Variants in CABLES1 observed in about 807,000 individuals in gnomAD.
CABLES1 encodes Cdk5 and Abl enzyme substrate 1.
Under a neutral mutation model 57.8 loss-of-function variants are expected in CABLES1, and 36 were observed. The ratio of observed to expected loss-of-function variants is 0.62; its 90% CI spans 0.48 to 0.82. The LOEUF (loss-of-function observed/expected upper bound fraction) is 0.82, where lower values mean the gene tolerates loss of function less well. Ranked by LOEUF, CABLES1 falls within the 40% of genes least tolerant of loss-of-function variation. The probability of loss-of-function intolerance (pLI) is 0.00; values close to 1 mark genes in which losing one functional copy is unlikely to be tolerated. For synonymous variants in CABLES1, 374 were observed against 363.0 expected, an observed-to-expected ratio of 1.03 and a Z score of -0.35; for missense variants, 767 against 836.6, an observed-to-expected ratio of 0.92 and a Z score of 1.03.
chr18:23,233,410 G>A (rs770879937), intron 4 of CABLES1, among the ~76,000 whole-genome samples: 2 of 152,178 alleles, frequency 1.3e-5, no homozygotes, highest in African/African-American at 2.4e-5. Context: ...CCAACCTACC[G>A]TCCTGGTGAC....
intron 4 of CABLES1, among the ~76,000 whole-genome samples, chr18:23,227,317 C>T (rs997821337): frequency 6.6e-6 from 1 of 152,172 alleles, no homozygotes; most frequent in Non-Finnish European, 1.5e-5. Flanking sequence ...GTGTTTCTTT[C>T]CTCACACCAA....
chr18:23,137,012 G>T (rs2046827605), intron 1 of CABLES1, among the ~76,000 whole-genome samples: 1 of 152,246 alleles, frequency 6.6e-6, no homozygotes, highest in Non-Finnish European at 1.5e-5. Context: ...AGTGCAGGCC[G>T]GCAGCTGAGC....
rs184635179 is a variant in CABLES1, at chr18:23,245,864, C to A, written c.1447-7096C>A. On this transcript the variant is annotated intron_variant, in intron 7 of 9. Coordinates refer to ENST00000256925, the MANE Select transcript of CABLES1 (RefSeq NM_001100619.3). ...AGCACCCTTGCAAAAAACACAACTG[C>A]CTGCTGCAGGGTTAGAACCCCCCAT... Among the ~76,000 whole-genome samples, 83 of 152,390 alleles carry A rather than the reference C, an allele frequency of 5.4e-4. 1 individual carries two copies. Among genetic ancestry groups the A allele is most frequent in the African/African-American group, 2.0e-3 (82 of 41,602 alleles).
chr18:23,151,395 G>A (rs1028533683), intron 1 of CABLES1, among the ~76,000 whole-genome samples: 2 of 152,210 alleles, frequency 1.3e-5, no homozygotes, highest in African/African-American at 2.4e-5. Flanking sequence ...ACCTCTGGCA[G>A]CCTCTTGCCT....
At position 23,136,257 on chromosome 18, in the gene CABLES1, G is replaced by T. The variant is rs959514660; in HGVS notation, c.495G>T (p.Gly165=). ...ATVSGPGVAR[G]FASPLGAGRA... is the part of the protein sequence containing the mutation. ...TGTCCGGCCCCGGGGTGGCGCGGGG[G>T]TTCGCGAGTCCCCTGGGCGCCGGCC... The change falls in exon 1 of 10, where the codon GGG becomes GGT. Residue 165 remains glycine (G), a synonymous_variant. Coordinates refer to ENST00000256925, the MANE Select transcript of CABLES1 (RefSeq NM_001100619.3). 1.2e-5 allele frequency: 16 copies of T among 1,324,980 alleles called. No homozygotes were observed. The highest frequency in any genetic ancestry group is 1.5e-5 in the Non-Finnish European group (16 of 1,043,552). The allele number at this position is 1,324,980 out of a possible 1,614,324, so 82.1% of individuals were successfully genotyped here. A position where few individuals can be genotyped will look rare whatever the true frequency, so the allele number is the denominator to read the frequency against.
chr18:23,182,995 C>T (rs1402788778), intron 1 of CABLES1, among the ~76,000 whole-genome samples: 2 of 152,236 alleles, frequency 1.3e-5, no homozygotes, highest in Admixed American at 6.5e-5. Context: ...CTCCATTTTG[C>T]CTCTCACTTT....
In CABLES1 at chr18:23,259,948, T is replaced by C. The variant is rs997990070; in HGVS notation, c.*2581T>C. 12 of 151,754 alleles carry C rather than the reference T, an allele frequency of 7.9e-5. No homozygotes were observed. Among genetic ancestry groups the C allele is most frequent in the African/African-American group, 2.9e-4 (12 of 41,310 alleles). The allele number at this position is 151,754 out of a possible 1,614,324, so 9.4% of individuals were successfully genotyped here. A position where few individuals can be genotyped will look rare whatever the true frequency, so the allele number is the denominator to read the frequency against. ...GGGAAGCTCCGCCCAGCCACACTCCTTGGGATAATACTAGCCGGTTCTGCC... is the reference window on the plus strand; with the variant it reads ...GGGAAGCTCCGCCCAGCCACACTCCCTGGGATAATACTAGCCGGTTCTGCC... On this transcript the variant is annotated 3_prime_UTR_variant, in exon 10 of 10. Coordinates refer to ENST00000256925, the MANE Select transcript of CABLES1 (RefSeq NM_001100619.3).
chr18:23,141,942 G>T (rs1481917772), intron 1 of CABLES1, among the ~76,000 whole-genome samples: 3 of 152,250 alleles, frequency 2.0e-5, no homozygotes, highest in Non-Finnish European at 4.4e-5. Context: ...AGGCAGTGCA[G>T]TTGAGCCTGT....
intron 4 of CABLES1, among the ~76,000 whole-genome samples, chr18:23,222,689 C>T (rs1403552978): frequency 6.6e-6 from 1 of 152,092 alleles, no homozygotes; most frequent in East Asian, 1.9e-4. Context: ...GAAGCAAGTG[C>T]ATCTCTCAGG....
In CABLES1 at chr18:23,136,331, C is replaced by G; in HGVS notation, c.569C>G (p.Ala190Gly). ...WQPPRPAPLA[A>G]CAQLQLLDGS... ...CCGCCCCGGCCGGCGCCTCTCGCCG[C>G]CTGTGCCCAACTGCAGCTGCTCGAC... The change falls in exon 1 of 10, where the codon GCC becomes GGC. Residue 190 changes from alanine (A) to glycine (G), a missense_variant. By Grantham distance (60) the Ala-to-Gly change is moderately conservative. Coordinates refer to ENST00000256925, the MANE Select transcript of CABLES1 (RefSeq NM_001100619.3). 1 of 1,427,122 alleles carries G rather than the reference C, an allele frequency of 7.0e-7. No homozygotes were observed. The highest frequency in any genetic ancestry group is 3.0e-5 in the East Asian group (1 of 33,344). 88.4% of individuals were successfully genotyped at this position (1,427,122 alleles called of 1,614,324 possible). A position where few individuals can be genotyped will look rare whatever the true frequency, so the allele number is the denominator to read the frequency against.
chr18:23,191,107 C>T (rs965663881), intron 2 of CABLES1, among the ~76,000 whole-genome samples: 2 of 148,254 alleles, frequency 1.3e-5, no homozygotes, highest in Non-Finnish European at 3.0e-5. Flanking sequence ...AAAAATTAAC[C>T]AGGCACATGG....
chr18:23,141,393 G>A (rs936686765), intron 1 of CABLES1, among the ~76,000 whole-genome samples: 2 of 152,204 alleles, frequency 1.3e-5, no homozygotes, highest in African/African-American at 2.4e-5. Context: ...TAAGAAAGGG[G>A]AGATGGATGC....
chr18:23,139,823 A>G (rs1337142116), intron 1 of CABLES1, among the ~76,000 whole-genome samples: 5 of 152,140 alleles, frequency 3.3e-5, no homozygotes, highest in African/African-American at 9.7e-5. Flanking sequence ...CCACTCTACC[A>G]TGTCACTATG....
chr18:23,224,539 C>G (rs982408794), intron 4 of CABLES1, among the ~76,000 whole-genome samples: 8 of 149,522 alleles, frequency 5.4e-5, no homozygotes, highest in Non-Finnish European at 1.0e-4. Flanking sequence ...AGTTTCACTT[C>G]CATTTTTGTC....
intron 7 of CABLES1, among the ~76,000 whole-genome samples, chr18:23,238,991 T>C (rs992786831): frequency 3.3e-5 from 5 of 152,214 alleles, no homozygotes; most frequent in African/African-American, 1.2e-4. Context: ...GCGGGAGCTG[T>C]CCTAACAGAC....
intron 7 of CABLES1, among the ~76,000 whole-genome samples, chr18:23,242,561 TGGGTG>T (rs2047763064): frequency 6.6e-6 from 1 of 152,126 alleles, no homozygotes; most frequent in Admixed American, 6.5e-5. Flanking sequence ...CCCCTCTTTA[TGGGTG>T]TGGAAGGCAA....
At chr18:23,175,681 T>C (rs556909240) in intron 1 of CABLES1, among the ~76,000 whole-genome samples, 5 of 152,258 alleles carry the variant, frequency 3.3e-5, no homozygotes, top group African/African-American at 1.2e-4. Flanking sequence ...ACTCCTGAGC[T>C]CAAGCCATCT....
intron 1 of CABLES1, among the ~76,000 whole-genome samples, chr18:23,169,526 C>A (rs935530514): frequency 2.6e-5 from 4 of 152,194 alleles, no homozygotes; most frequent in African/African-American, 9.7e-5. Flanking sequence ...AGTGCCTGGT[C>A]TGTCAGCAAA....
At chr18:23,153,802 G>A (rs1256488185) in intron 1 of CABLES1, among the ~76,000 whole-genome samples, 4 of 151,898 alleles carry the variant, frequency 2.6e-5, no homozygotes, top group Non-Finnish European at 5.9e-5. Context: ...AGGCTGAGGC[G>A]GGCAGATCAC....
Sources: allele counts gnomAD v4.1 joint callset (sites outside exome capture counted in the v4.1 genomes callset), GRCh38; gene constraint gnomAD v4.1.1; transcripts MANE v1.5; gene names NCBI Gene and HGNC (gene_info 2026-07-23, HGNC 2026-07-21).